NAALADL2: variants seen among roughly 807,000 people sequenced by gnomAD.
The protein encoded by NAALADL2 is N-acetylated alpha-linked acidic dipeptidase like 2.
Under a neutral mutation model 87.2 loss-of-function variants are expected in NAALADL2, and 76 were observed. The observed-to-expected ratio is 0.87, with a 90% CI of 0.72 to 1.05. NAALADL2 has a LOEUF of 1.05. NAALADL2 is among the 50% of genes least tolerant of loss of function. NAALADL2 has a pLI of 0.00. For missense variants in NAALADL2, 1,089 were observed against 945.8 expected (o/e 1.15, Z -1.99); for synonymous variants, 354 against 331.0 (o/e 1.07, Z -0.75).
Position 175,667,229 on chromosome 3 carries a change from AAGAAAG to A in NAALADL2, c.1896+39845_1896+39850del, listed in dbSNP as rs1191082274. Among the ~76,000 whole-genome samples the A allele has an allele frequency of 4.3e-5, 5 of 117,154 alleles. No individual in the cohort carries two copies. The East Asian group carries it at 6.9e-4, about 16-fold the overall frequency. 76.9% of individuals were successfully genotyped at this position (117,154 alleles called of 152,430 possible). A position where few individuals can be genotyped will look rare whatever the true frequency, so the allele number is the denominator to read the frequency against. On this transcript the variant is annotated intron_variant, in intron 11 of 13. Transcript: ENST00000454872. ...AAAGAAAGAAAGAAAGAAAGAAAGA[AAGAAAG>A]AAAGAAAAAGAAAGAAAGAAAGAAA...
chr3:175,107,796 G>A (rs1018593100), intron 2 of NAALADL2, among the ~76,000 whole-genome samples: 3 of 151,268 alleles, frequency 2.0e-5, no homozygotes, highest in African/African-American at 7.3e-5. Context: ...GTCTATGAAA[G>A]CATAGAATTT....
intron 2 of NAALADL2, among the ~76,000 whole-genome samples, chr3:174,610,974 AC>A (rs1350663737): frequency 1.3e-5 from 2 of 152,182 alleles, no homozygotes; most frequent in African/African-American, 2.4e-5. Context: ...ACCATGGAAT[AC>A]TATGCAGCCA....
At chr3:175,478,993 C>T (rs1184402547) in intron 9 of NAALADL2, among the ~76,000 whole-genome samples, 1 of 151,718 alleles carries the variant, frequency 6.6e-6, no homozygotes, top group Non-Finnish European at 1.5e-5. Context: ...GTTCTTATGA[C>T]ATATGACAAT....
intron 1 of NAALADL2, among the ~76,000 whole-genome samples, chr3:174,534,380 T>C (rs556691826): frequency 2.6e-5 from 4 of 152,344 alleles, no homozygotes; most frequent in Non-Finnish European, 5.9e-5. Context: ...CAAAATGCTT[T>C]GATGTTACCT....
chr3:175,554,727 T>A (rs574873755), intron 9 of NAALADL2, among the ~76,000 whole-genome samples: 10 of 152,278 alleles, frequency 6.6e-5, no homozygotes, highest in Admixed American at 3.3e-4. Flanking sequence ...ATCTTGTTAA[T>A]TTAATAAGCA....
chr3:175,326,580 T>G (rs192659581), intron 5 of NAALADL2, among the ~76,000 whole-genome samples: 3 of 152,244 alleles, frequency 2.0e-5, no homozygotes, highest in Admixed American at 2.0e-4. Flanking sequence ...TATAATGGAG[T>G]GCTTGAAACT....
At chr3:175,364,057 A>G (rs1393731545) in intron 5 of NAALADL2, among the ~76,000 whole-genome samples, 3 of 147,776 alleles carry the variant, frequency 2.0e-5, no homozygotes, top group African/African-American at 7.4e-5. Flanking sequence ...ATTTCAGAGT[A>G]AAGTGGCTGT....
intron 9 of NAALADL2, among the ~76,000 whole-genome samples, chr3:175,554,574 G>A (rs1211978049): frequency 6.6e-6 from 1 of 151,882 alleles, no homozygotes; most frequent in East Asian, 1.9e-4. Flanking sequence ...CTTCTGGTGG[G>A]TTACATGGGG....
chr3:175,656,666 C>T (rs982468770), intron 11 of NAALADL2, among the ~76,000 whole-genome samples: 1 of 152,054 alleles, frequency 6.6e-6, no homozygotes, highest in African/African-American at 2.4e-5. Context: ...CAAGCTCTTT[C>T]CTCAAAGGTG....
At chr3:175,294,597 T>C (rs1480900672) in intron 4 of NAALADL2, among the ~76,000 whole-genome samples, 1 of 152,156 alleles carries the variant, frequency 6.6e-6, no homozygotes, top group African/African-American at 2.4e-5. Context: ...AGCTTGGAGG[T>C]TGCAGAGCCA....
chr3:174,824,575 C>T (rs995656708), intron 3 of NAALADL2, among the ~76,000 whole-genome samples: 2 of 152,064 alleles, frequency 1.3e-5, no homozygotes, highest in African/African-American at 4.8e-5. Context: ...ATCATGCATC[C>T]ACATAAGTGA....
chr3:175,439,607 T>C (rs1719352498), intron 5 of NAALADL2, among the ~76,000 whole-genome samples: 2 of 152,122 alleles, frequency 1.3e-5, no homozygotes, highest in Admixed American at 1.3e-4. Flanking sequence ...TGTTGAGCAT[T>C]TTTTCATGTT....
At chr3:174,971,714 T>C (rs1743679927) in intron 1 of NAALADL2, among the ~76,000 whole-genome samples, 2 of 150,134 alleles carry the variant, frequency 1.3e-5, no homozygotes, top group South Asian at 4.2e-4. Flanking sequence ...TAGTTTGTTT[T>C]TGAGACGGAG....
At chr3:175,678,188 T>C (rs931389369) in intron 11 of NAALADL2, among the ~76,000 whole-genome samples, 1 of 152,196 alleles carries the variant, frequency 6.6e-6, no homozygotes, top group Non-Finnish European at 1.5e-5. Context: ...AGGAATATCT[T>C]TTAGCAGGGA....
intron 3 of NAALADL2, among the ~76,000 whole-genome samples, chr3:174,854,221 C>A (rs1319838496): frequency 6.6e-6 from 1 of 151,988 alleles, no homozygotes; most frequent in African/African-American, 2.4e-5. Flanking sequence ...GAAATAATAT[C>A]TTTTGCAGTA....
At position 175,584,776 on chromosome 3, in the gene NAALADL2, C is replaced by T. The variant is rs114394525; in HGVS notation, c.1800+8589C>T. ...AACATATAAAAAGTGCAGTAAAGTA[C>T]AATATAAAAGTTAAAAAGTGGTACA... On this transcript the variant is annotated intron_variant, in intron 10 of 13. Transcript: ENST00000454872. Among the ~76,000 whole-genome samples the T allele has an allele frequency of 2.5e-3, 380 of 152,140 alleles. 3 individuals carry two copies. Among genetic ancestry groups the T allele is most frequent in the African/African-American group, 9.0e-3 (372 of 41,510 alleles).
At chr3:174,477,173 A>G (rs1256334793) in intron 1 of NAALADL2, among the ~76,000 whole-genome samples, 3 of 152,122 alleles carry the variant, frequency 2.0e-5, no homozygotes, top group Admixed American at 2.0e-4. Context: ...TGAAATGTGC[A>G]TAAAATCTTG....
At chr3:175,706,401 C>T (rs1045952388) in intron 11 of NAALADL2, among the ~76,000 whole-genome samples, 2 of 152,142 alleles carry the variant, frequency 1.3e-5, no homozygotes, top group Middle Eastern at 3.4e-3. Flanking sequence ...GCAACGACAA[C>T]TAATAATTAA....
intron 1 of NAALADL2, among the ~76,000 whole-genome samples, chr3:175,083,052 A>G (rs1040727768): frequency 2.6e-5 from 4 of 152,196 alleles, no homozygotes; most frequent in Non-Finnish European, 5.9e-5. Context: ...TGTGTTGTCC[A>G]CATAAGAAAC....
Sources: gnomAD v4.1 joint callset for allele counts (sites outside exome capture counted in the v4.1 genomes callset) on GRCh38, gnomAD v4.1.1 for gene constraint, MANE v1.5 for transcripts, NCBI Gene and HGNC (gene_info 2026-07-23, HGNC 2026-07-21) for gene names.